Variants in OLA1 observed in about 807,000 individuals in gnomAD.
The protein encoded by OLA1 is Obg like ATPase 1.
A neutral mutation model predicts 48.4 loss-of-function variants in OLA1; 14 were observed. That is an observed-to-expected ratio of 0.29 (90% CI 0.19 to 0.45). The LOEUF (loss-of-function observed/expected upper bound fraction) is 0.45. Ranked by LOEUF, OLA1 falls within the 20% of genes least tolerant of loss-of-function variation. OLA1 has a pLI of 1.00. For synonymous variants in OLA1, 127 were observed against 150.4 expected (o/e 0.84, Z 1.14); for missense variants, 325 against 467.1 (o/e 0.70, Z 2.80).
chr2:174,236,646 A>G (rs74869985), intron 2 of OLA1, among the ~76,000 whole-genome samples: 20,184 of 152,208 alleles, frequency 0.13, 1,830 homozygotes, highest in Non-Finnish European at 0.2. Context: ...AACATTACAG[A>G]GTATATTTAC....
At chr2:174,158,120 C>A (rs924146892) in intron 4 of OLA1, among the ~76,000 whole-genome samples, 1 of 152,174 alleles carries the variant, frequency 6.6e-6, no homozygotes, top group African/African-American at 2.4e-5. Flanking sequence ...CTACTGCAAT[C>A]TTATAACGTC....
chr2:174,104,555 G>A (rs1441166085), intron 7 of OLA1, among the ~76,000 whole-genome samples: 2 of 151,994 alleles, frequency 1.3e-5, no homozygotes, highest in Non-Finnish European at 2.9e-5. Context: ...AAGAGCTAGC[G>A]TCACTTGGTT....
At chr2:174,129,117 T>C (rs1433863153) in intron 5 of OLA1, among the ~76,000 whole-genome samples, 1 of 152,098 alleles carries the variant, frequency 6.6e-6, no homozygotes, top group Non-Finnish European at 1.5e-5. Context: ...AAAATACATG[T>C]AAAACAACTG....
chr2:174,196,691 A>G (rs1687883943), intron 4 of OLA1, among the ~76,000 whole-genome samples: 2 of 152,242 alleles, frequency 1.3e-5, no homozygotes, highest in African/African-American at 2.4e-5. Context: ...AGTGATGAGC[A>G]CTTTGTTCAA....
At chr2:174,103,187 GT>G (rs1685436290) in intron 7 of OLA1, among the ~76,000 whole-genome samples, 3 of 97,846 alleles carry the variant, frequency 3.1e-5, no homozygotes, top group Admixed American at 1.9e-4. Flanking sequence ...ATGTGTACAT[GT>G]GTATCATGTG....
intron 8 of OLA1, 89 bp downstream of exon 8, chr2:174,081,833 CTG>C (rs1684860617): frequency 8.3e-7 from 1 of 1,203,700 alleles, no homozygotes; most frequent in African/African-American, 1.5e-5. Context: ...GGTAATTACT[CTG>C]TCATTTATTA....
rs1235544277 is a variant in OLA1, at chr2:174,163,043, A to G, written c.374-21043T>C. Among the ~76,000 whole-genome samples, 3 of 151,954 alleles carry G rather than the reference A, an allele frequency of 2.0e-5. No homozygotes were observed. The East Asian group carries it at 5.8e-4, about 29-fold the overall frequency. On this transcript the variant is annotated intron_variant, in intron 4 of 10. Transcript: ENST00000284719. ...TGGGCAACAGAGTGAGACTGTCTCAAACAAAGAAAAGAACCACTGCTCTTA... is the reference window on the plus strand; with the variant it reads ...TGGGCAACAGAGTGAGACTGTCTCAGACAAAGAAAAGAACCACTGCTCTTA...
chr2:174,121,999 C>T (rs1685925701), intron 7 of OLA1, among the ~76,000 whole-genome samples: 1 of 152,140 alleles, frequency 6.6e-6, no homozygotes, highest in African/African-American at 2.4e-5. Context: ...TTTTAAAATT[C>T]ATTCCTAAAG....
At chr2:174,206,937 T>C (rs1000811741) in intron 4 of OLA1, among the ~76,000 whole-genome samples, 2 of 152,192 alleles carry the variant, frequency 1.3e-5, no homozygotes, top group African/African-American at 2.4e-5. Flanking sequence ...AAAAACTCCA[T>C]TATTTTAGGA....
At chr2:174,240,578 A>C (rs1688977102) in intron 2 of OLA1, 1 of 151,500 alleles carries the variant, frequency 6.6e-6, no homozygotes, top group Non-Finnish European at 1.5e-5. Context: ...ATCATTAAGA[A>C]AAAAAAAGAC....
intron 4 of OLA1, among the ~76,000 whole-genome samples, chr2:174,208,892 T>G (rs1448603686): frequency 1.3e-5 from 2 of 152,200 alleles, no homozygotes; most frequent in Non-Finnish European, 2.9e-5. Flanking sequence ...ATACAAAAAC[T>G]GCGTAAAGTT....
At chr2:174,110,801 C>T (rs1396076304) in intron 7 of OLA1, among the ~76,000 whole-genome samples, 2 of 152,020 alleles carry the variant, frequency 1.3e-5, no homozygotes. Context: ...AGGCTGGTCT[C>T]GAAATCCTGG....
In OLA1 at chr2:174,246,799, C is replaced by T; in HGVS notation, c.17G>A (p.Gly6Glu). 6.2e-7 allele frequency: 1 copy of T among 1,611,554 alleles called. No individual in the cohort carries two copies. Among genetic ancestry groups the T allele is most frequent in the Non-Finnish European group, 8.5e-7 (1 of 1,178,620 alleles). The change falls in exon 2 of 11, where the codon GGA becomes GAA. Residue 6 changes from glycine (G) to glutamate (E), a missense_variant. Coordinates refer to ENST00000284719, the MANE Select transcript of OLA1 (RefSeq NM_013341.5). ...TGGGGGTGGTTTAATTCCATCACCT[C>T]CCTTTTTAGGGGGCATCTGAAATAC... Reference protein sequence around the residue: MPPKKGGDGIKPPPII... With the variant: MPPKKEGDGIKPPPII...
chr2:174,189,606 C>T (rs1687730824), intron 4 of OLA1, among the ~76,000 whole-genome samples: 1 of 152,006 alleles, frequency 6.6e-6, no homozygotes, highest in Non-Finnish European at 1.5e-5. Flanking sequence ...TAGCAAAGTG[C>T]AAAAATATGC....
At chr2:174,129,634 G>A (rs1272828809) in intron 5 of OLA1, among the ~76,000 whole-genome samples, 1 of 151,896 alleles carries the variant, frequency 6.6e-6, no homozygotes. Flanking sequence ...GAAATCTCTA[G>A]AAGGTTAGAT....
At chr2:174,124,833 T>C (rs2105368912) in intron 5 of OLA1, among the ~76,000 whole-genome samples, 1 of 152,328 alleles carries the variant, frequency 6.6e-6, no homozygotes, top group South Asian at 2.1e-4. Context: ...TAGTATACCT[T>C]CCTTCCAAAT....
At chr2:174,183,135 T>C (rs1687584858) in intron 4 of OLA1, among the ~76,000 whole-genome samples, 1 of 152,148 alleles carries the variant, frequency 6.6e-6, no homozygotes, top group South Asian at 2.1e-4. Flanking sequence ...TCTTGGCTAA[T>C]GTAACTACTG....
At chr2:174,231,978 G>A (rs1164294423) in intron 2 of OLA1, among the ~76,000 whole-genome samples, 3 of 152,026 alleles carry the variant, frequency 2.0e-5, no homozygotes, top group East Asian at 3.9e-4. Flanking sequence ...ACACACACAC[G>A]CACCCCTAGA....
chr2:174,156,307 A>C (rs925798378), intron 4 of OLA1, among the ~76,000 whole-genome samples: 2 of 152,136 alleles, frequency 1.3e-5, no homozygotes, highest in African/African-American at 4.8e-5. Flanking sequence ...ACACACGCAC[A>C]CAAGCACCCC....
Sources: gnomAD v4.1 joint callset for allele counts (sites outside exome capture counted in the v4.1 genomes callset) on GRCh38, gnomAD v4.1.1 for gene constraint, MANE v1.5 for transcripts, NCBI Gene and HGNC (gene_info 2026-07-23, HGNC 2026-07-21) for gene names.